The following EPHA6 variants were observed in gnomAD, a reference collection of about 807,000 sequenced individuals.
EPHA6 encodes EPH receptor A6, also known as ephrin type-A receptor 6.
Under a neutral mutation model 112.0 loss-of-function variants are expected in EPHA6, and 50 were observed. The ratio of observed to expected loss-of-function variants is 0.45; its 90% CI spans 0.36 to 0.56. The LOEUF is 0.56. EPHA6 is among the 20% of genes least tolerant of loss of function. The probability of loss-of-function intolerance (pLI) is 0.00; values close to 1 mark genes in which losing one functional copy is unlikely to be tolerated. For missense variants in EPHA6, 1,280 were observed against 1,417.4 expected (o/e 0.90, Z 1.56); for synonymous variants, 529 against 490.7 (o/e 1.08, Z -1.03).
At chr3:96,900,547 A>G (rs890378555) in intron 2 of EPHA6, among the ~76,000 whole-genome samples, 6 of 152,234 alleles carry the variant, frequency 3.9e-5, no homozygotes, top group Admixed American at 1.3e-4. Context: ...GGGAGGGCCA[A>G]TTATATAGGA....
At chr3:97,436,753 C>CA (rs2089859764) in intron 6 of EPHA6, among the ~76,000 whole-genome samples, 1 of 152,156 alleles carries the variant, frequency 6.6e-6, no homozygotes, top group South Asian at 2.1e-4. Context: ...GAAACTCTAG[C>CA]AACCAAAAGA....
chr3:97,018,722 G>A (rs1194935869), intron 3 of EPHA6, among the ~76,000 whole-genome samples: 1 of 152,222 alleles, frequency 6.6e-6, no homozygotes, highest in Non-Finnish European at 1.5e-5. Flanking sequence ...AGACGGTTAG[G>A]CCTCCGGATA....
At chr3:97,715,888 T>G (rs1335148560) in intron 14 of EPHA6, among the ~76,000 whole-genome samples, 1 of 152,228 alleles carries the variant, frequency 6.6e-6, no homozygotes. Flanking sequence ...GTTTTACTAA[T>G]AAACATTTTA....
intron 3 of EPHA6, among the ~76,000 whole-genome samples, chr3:97,197,323 G>A (rs995194717): frequency 6.6e-6 from 1 of 152,002 alleles, no homozygotes; most frequent in Non-Finnish European, 1.5e-5. Flanking sequence ...CCCAATGCCT[G>A]CAGCAAATAC....
chr3:96,992,028 C>G (rs1214033086), intron 3 of EPHA6, among the ~76,000 whole-genome samples: 1 of 152,144 alleles, frequency 6.6e-6, no homozygotes, highest in Admixed American at 6.5e-5. Flanking sequence ...TTTTGGCTTT[C>G]TTACTAGTAT....
intron 3 of EPHA6, among the ~76,000 whole-genome samples, chr3:97,033,577 G>T: frequency 6.6e-6 from 1 of 151,904 alleles, no homozygotes; most frequent in East Asian, 1.9e-4. Flanking sequence ...ATAGTGTTTG[G>T]CTGATAAGAG....
At position 97,261,189 on chromosome 3, in the gene EPHA6, T is replaced by C. The variant is rs1319796919; in HGVS notation, c.1606+16902T>C. ...AAAGCAGGGCTGGGGGTGGGCAGCA[T>C]TTATTATATGGCTAGTTGGATGAAT... On this transcript the variant is annotated intron_variant, in intron 5 of 17. Coordinates refer to ENST00000389672, the MANE Select transcript of EPHA6 (RefSeq NM_001080448.3). Among the ~76,000 whole-genome samples the C allele has an allele frequency of 2.0e-5, 3 of 152,258 alleles. No homozygotes were observed. The East Asian group carries it at 5.8e-4, about 29-fold the overall frequency.
At chr3:97,661,051 G>C (rs2094166483) in intron 14 of EPHA6, among the ~76,000 whole-genome samples, 1 of 151,982 alleles carries the variant, frequency 6.6e-6, no homozygotes. Context: ...AATTTCTAAG[G>C]TGAATTACTT....
intron 2 of EPHA6, among the ~76,000 whole-genome samples, chr3:96,874,802 A>G (rs1279018823): frequency 6.6e-6 from 1 of 152,162 alleles, no homozygotes; most frequent in Non-Finnish European, 1.5e-5. Flanking sequence ...CAGGAGAAAT[A>G]GCAGCCAGAA....
At chr3:97,492,675 G>C (rs370958464) in intron 10 of EPHA6, among the ~76,000 whole-genome samples, 1 of 147,148 alleles carries the variant, frequency 6.8e-6, no homozygotes, top group South Asian at 2.2e-4. Context: ...GGAAAGAAAG[G>C]ACAAGATAGA....
intron 9 of EPHA6, among the ~76,000 whole-genome samples, chr3:97,482,907 G>A (rs540067228): frequency 4.6e-5 from 7 of 152,208 alleles, no homozygotes; most frequent in South Asian, 4.2e-4. Flanking sequence ...TATTCGGAAC[G>A]ATAGAAAGAT....
rs191703522 is a variant in EPHA6, at chr3:97,058,951, T to C, written c.1114+70958T>C. On this transcript the variant is annotated intron_variant, in intron 3 of 17. Transcript: ENST00000389672. ...CTGATCTCAGGTTAACCTCAAGAGCTTGGGTTATTCATTCTACAACTGGGG... is the reference window on the plus strand; with the variant it reads ...CTGATCTCAGGTTAACCTCAAGAGCCTGGGTTATTCATTCTACAACTGGGG... Among the ~76,000 whole-genome samples the C allele has an allele frequency of 5.2e-3, 793 of 152,226 alleles. 7 individuals carry two copies. The highest frequency in any genetic ancestry group is 0.01 in the Middle Eastern group (3 of 294).
intron 3 of EPHA6, among the ~76,000 whole-genome samples, chr3:97,132,016 A>G (rs1355289801): frequency 6.6e-6 from 1 of 152,112 alleles, no homozygotes; most frequent in Non-Finnish European, 1.5e-5. Context: ...TAAATTGTAT[A>G]TATGGCACTA....
At chr3:97,344,861 G>GAC (rs1366820703) in intron 5 of EPHA6, among the ~76,000 whole-genome samples, 3 of 152,020 alleles carry the variant, frequency 2.0e-5, no homozygotes, top group Admixed American at 2.0e-4. Context: ...TAGAATCTGA[G>GAC]ACACACACAG....
intron 14 of EPHA6, among the ~76,000 whole-genome samples, chr3:97,667,960 A>G (rs990239849): frequency 1.3e-4 from 20 of 152,364 alleles, no homozygotes; most frequent in African/African-American, 4.1e-4. Context: ...AGAGCGCTAA[A>G]TAAACTATAA....
chr3:97,293,962 G>A (rs552574461), intron 5 of EPHA6, among the ~76,000 whole-genome samples: 72 of 152,330 alleles, frequency 4.7e-4, no homozygotes, highest in Non-Finnish European at 8.7e-4. Flanking sequence ...TGACTCAAGC[G>A]TGCAAACCAC....
chr3:97,730,961 A>T (rs188387132), intron 15 of EPHA6, among the ~76,000 whole-genome samples: 170 of 152,234 alleles, frequency 1.1e-3, no homozygotes, highest in African/African-American at 4.0e-3. Flanking sequence ...AGCCAGGCAC[A>T]TGGTGAGCCA....
intron 15 of EPHA6, among the ~76,000 whole-genome samples, chr3:97,724,856 C>T (rs1481054620): frequency 6.6e-6 from 1 of 151,944 alleles, no homozygotes; most frequent in East Asian, 1.9e-4. Context: ...AGTGTTATCC[C>T]CACCCCCAAA....
chr3:96,962,702 A>G (rs1447545476), intron 2 of EPHA6, among the ~76,000 whole-genome samples: 2 of 151,652 alleles, frequency 1.3e-5, no homozygotes, highest in African/African-American at 4.9e-5. Context: ...ATATAAAGAG[A>G]ACCAACATTG....
Sources: allele counts gnomAD v4.1 joint callset (sites outside exome capture counted in the v4.1 genomes callset), GRCh38; gene constraint gnomAD v4.1.1; transcripts MANE v1.5; gene names NCBI Gene and HGNC (gene_info 2026-07-23, HGNC 2026-07-21).